CDYL: variants seen among roughly 807,000 people sequenced by gnomAD.
CDYL encodes chromodomain Y like, also known as chromodomain Y-like protein.
Under a neutral mutation model 47.3 loss-of-function variants are expected in CDYL, and 8 were observed. The ratio of observed to expected loss-of-function variants is 0.17; its 90% CI spans 0.10 to 0.31. The LOEUF is 0.31. CDYL is among the 10% of genes least tolerant of loss of function. The pLI is 1.00. For missense variants in CDYL, 471 were observed against 701.4 expected (o/e 0.67, Z 3.71); for synonymous variants, 266 against 265.0 (o/e 1.00, Z -0.04).
At chr6:4,706,407 G>T (rs752702922) in intron 1 of CDYL, among the ~76,000 whole-genome samples, 3 of 151,890 alleles carry the variant, frequency 2.0e-5, no homozygotes, top group Non-Finnish European at 4.4e-5. Context: ...TCTGGGTTCT[G>T]TAACTTTAAG....
intron 3 of CDYL, among the ~76,000 whole-genome samples, chr6:4,769,898 G>A (rs899125716): frequency 1.3e-5 from 2 of 152,054 alleles, no homozygotes; most frequent in South Asian, 2.1e-4. Context: ...CAGGGTTCAC[G>A]CCATTCTCCT....
intron 2 of CDYL, among the ~76,000 whole-genome samples, chr6:4,718,116 T>C (rs575057010): frequency 2.0e-5 from 3 of 152,050 alleles, no homozygotes; most frequent in South Asian, 4.2e-4. Context: ...GGATTATAGG[T>C]GTGAGCCACT....
intron 1 of CDYL, among the ~76,000 whole-genome samples, chr6:4,822,075 C>T (rs1189689894): frequency 6.6e-6 from 1 of 152,090 alleles, no homozygotes; most frequent in Non-Finnish European, 1.5e-5. Flanking sequence ...CTCAAACGAT[C>T]CTCCCAACTC....
At chr6:4,839,971 T>C (rs1217691898) in intron 1 of CDYL, among the ~76,000 whole-genome samples, 1 of 152,208 alleles carries the variant, frequency 6.6e-6, no homozygotes, top group South Asian at 2.1e-4. Context: ...GGTGGTGTTT[T>C]GATGGGAATT....
chr6:4,868,807 C>T (rs930240730), intron 1 of CDYL, among the ~76,000 whole-genome samples: 3 of 152,188 alleles, frequency 2.0e-5, no homozygotes, highest in Admixed American at 2.0e-4. Flanking sequence ...ATCATACATA[C>T]ACACATTCAT....
At chr6:4,891,368 C>T (rs1041746210) in intron 1 of CDYL, among the ~76,000 whole-genome samples, 3 of 152,174 alleles carry the variant, frequency 2.0e-5, no homozygotes. Context: ...TGACCAGGCA[C>T]AGCTGCAGAT....
At chr6:4,840,656 A>G (rs988397064) in intron 1 of CDYL, among the ~76,000 whole-genome samples, 6 of 152,142 alleles carry the variant, frequency 3.9e-5, no homozygotes, top group Non-Finnish European at 8.8e-5. Context: ...TGAGATGATC[A>G]TGTGATTTTT....
At chr6:4,714,811 G>A (rs62384789) in intron 1 of CDYL, 27,508 of 152,222 alleles carry the variant, frequency 0.18, 3,023 homozygotes, top group South Asian at 0.27. Flanking sequence ...TACAGAATCC[G>A]TGAGTGTTCT....
chr6:4,907,977 C>G (rs375316135), intron 2 of CDYL, among the ~76,000 whole-genome samples: 1 of 152,174 alleles, frequency 6.6e-6, no homozygotes, highest in African/African-American at 2.4e-5. Context: ...GTGTTCTCTA[C>G]CACCCCACTT....
At chr6:4,821,228 G>T (rs994408037) in intron 1 of CDYL, among the ~76,000 whole-genome samples, 67 of 149,474 alleles carry the variant, frequency 4.5e-4, no homozygotes, top group African/African-American at 1.3e-3. Context: ...GTAAATCAGA[G>T]GAGAGGTGAT....
intron 2 of CDYL, among the ~76,000 whole-genome samples, chr6:4,719,283 T>A (rs1241919506): frequency 6.6e-6 from 1 of 152,256 alleles, no homozygotes; most frequent in Admixed American, 6.5e-5. Flanking sequence ...TATACTCTTG[T>A]GCATGTATCT....
intron 1 of CDYL, among the ~76,000 whole-genome samples, chr6:4,869,998 A>AT (rs1180888280): frequency 6.6e-6 from 1 of 151,592 alleles, no homozygotes; most frequent in East Asian, 1.9e-4. Context: ...TTGACAAGAG[A>AT]TTTTCATTTA....
chr6:4,733,647 C>G (rs969876250), intron 2 of CDYL, among the ~76,000 whole-genome samples: 10 of 152,098 alleles, frequency 6.6e-5, no homozygotes, highest in African/African-American at 2.4e-4. Flanking sequence ...TCATTCTGGT[C>G]ATTAAGACTC....
At chr6:4,865,342 G>C (rs1040166930) in intron 1 of CDYL, among the ~76,000 whole-genome samples, 1 of 152,204 alleles carries the variant, frequency 6.6e-6, no homozygotes, top group African/African-American at 2.4e-5. Context: ...AGCTTAGACT[G>C]TGCGGTCCAA....
chr6:4,729,572 T>A (rs1757569914), intron 2 of CDYL, among the ~76,000 whole-genome samples: 2 of 152,174 alleles, frequency 1.3e-5, no homozygotes, highest in South Asian at 4.1e-4. Flanking sequence ...CTTAAGTAAT[T>A]AGAAATCCAT....
rs79067214 is a variant in CDYL at position 4,880,277 on chromosome 6, T to C, written c.25-11436T>C. On this transcript the variant is annotated intron_variant, in intron 1 of 6. Transcript: ENST00000397588. ...AATATGTTGTATAGTTTAAGTCATA[T>C]AGTATGTAGCCTTTTCAGATGGGCG... 3.6e-3 allele frequency among the ~76,000 whole-genome samples: 542 copies of C among 152,308 alleles called. 3 individuals carry two copies. The highest frequency in any genetic ancestry group is 0.013 in the African/African-American group (529 of 41,576).
intron 4 of CDYL, among the ~76,000 whole-genome samples, chr6:4,941,815 G>A (rs185587513): frequency 6.6e-5 from 10 of 152,096 alleles, no homozygotes; most frequent in Non-Finnish European, 1.0e-4. Context: ...TGCCCCATCC[G>A]TGGTTTCCAG....
intron 1 of CDYL, among the ~76,000 whole-genome samples, chr6:4,825,878 G>A (rs1400639606): frequency 1.3e-5 from 2 of 149,590 alleles, no homozygotes; most frequent in Admixed American, 6.7e-5. Context: ...AGAGTCACCT[G>A]ACACACATCT....
chr6:4,717,084 A>T (rs2875956), intron 2 of CDYL, among the ~76,000 whole-genome samples: 5 of 152,272 alleles, frequency 3.3e-5, no homozygotes, highest in African/African-American at 1.2e-4. Context: ...CTGGGACCAC[A>T]ATCAGGAAGA....
Sources: allele counts gnomAD v4.1 joint callset (sites outside exome capture counted in the v4.1 genomes callset), GRCh38; gene constraint gnomAD v4.1.1; transcripts MANE v1.5; gene names NCBI Gene and HGNC (gene_info 2026-07-23, HGNC 2026-07-21).